The following ICE2 variants were observed in gnomAD, a reference collection of about 807,000 sequenced individuals.
The protein encoded by ICE2 is interactor of little elongation complex ELL subunit 2.
ICE2 carries 87 observed loss-of-function variants against 105.4 expected under a neutral mutation model. That is an observed-to-expected ratio of 0.83 (90% CI 0.69 to 0.99). The LOEUF is 0.99. ICE2 is among the 50% of genes least tolerant of loss of function. The probability of loss-of-function intolerance (pLI) is 0.00; values close to 1 mark genes in which losing one functional copy is unlikely to be tolerated. For missense variants in ICE2, 1,323 were observed against 1,146.7 expected, an observed-to-expected ratio of 1.15 and a Z score of -2.22; for synonymous variants, 399 against 392.0, an observed-to-expected ratio of 1.02 and a Z score of -0.21.
At chr15:60,471,345 A>G (rs991135753) in intron 3 of ICE2, among the ~76,000 whole-genome samples, 2 of 152,242 alleles carry the variant, frequency 1.3e-5, no homozygotes, top group African/African-American at 4.8e-5. Context: ...GGAGAAATGT[A>G]TTACAGCAAA....
intron 15 of ICE2, among the ~76,000 whole-genome samples, chr15:60,425,990 T>C (rs1478554361): frequency 1.3e-5 from 2 of 152,330 alleles, no homozygotes; most frequent in East Asian, 1.9e-4. Context: ...AGTTATCTAA[T>C]TGTCCACTGT....
At chr15:60,453,569 A>T in intron 9 of ICE2, 34 bp downstream of exon 9, 2 of 1,603,866 alleles carry the variant, frequency 1.2e-6, no homozygotes, top group South Asian at 2.3e-5. Context: ...AAACAAGTAC[A>T]TTCCCCTTAG....
chr15:60,453,472 A>G, intron 9 of ICE2, 131 bp downstream of exon 9: 1 of 1,437,778 alleles, frequency 7.0e-7, no homozygotes. Flanking sequence ...GCTAGACTCG[A>G]AATTCAATTT....
chr15:60,441,566 G>A (rs1327412854), intron 12 of ICE2: 1 of 152,108 alleles, frequency 6.6e-6, no homozygotes, highest in Non-Finnish European at 1.5e-5. Context: ...AGAGAATAAA[G>A]TACAAAGTAA....
chr15:60,437,343 T>C lies in ICE2; in HGVS notation c.2426-1116A>G, dbSNP rs2063617379. ...CAAAGCAGTCAGTTCCAAGTTTTAC[T>C]TTTTTTTTGAGACAAAGTTTCGCTC... On this transcript the variant is annotated intron_variant, in intron 12 of 15. Transcript: ENST00000261520. Among the ~76,000 whole-genome samples the C allele has an allele frequency of 2.0e-5, 3 of 150,818 alleles. No individual in the cohort carries two copies. In the South Asian group the frequency reaches 6.3e-4, roughly 32 times the overall value.
At chr15:60,453,881 G>C (rs760505870) in intron 8 of ICE2, 97 bp from the exon 9 acceptor site, 77 of 928,232 alleles carry the variant, frequency 8.3e-5, no homozygotes, top group Middle Eastern at 3.4e-4. Context: ...CAAACAAAGA[G>C]ACACAGGAGA....
At chr15:60,467,392 T>C (rs189180372) in intron 4 of ICE2, among the ~76,000 whole-genome samples, 19 of 152,354 alleles carry the variant, frequency 1.2e-4, no homozygotes, top group Admixed American at 3.3e-4. Flanking sequence ...TTAGTAATCA[T>C]AAATTAAATT....
chr15:60,430,829 C>T (rs1475281576), intron 14 of ICE2, among the ~76,000 whole-genome samples: 3 of 152,108 alleles, frequency 2.0e-5, no homozygotes, highest in African/African-American at 4.8e-5. Flanking sequence ...GGGGAAAATC[C>T]ATATCCTAAG....
chr15:60,474,429 A>G (rs1278505535), intron 3 of ICE2, among the ~76,000 whole-genome samples: 4 of 152,138 alleles, frequency 2.6e-5, no homozygotes, highest in South Asian at 2.1e-4. Context: ...AACAAGCTAA[A>G]TATCAACAGA....
chr15:60,430,754 T>C (rs575120146), intron 14 of ICE2, among the ~76,000 whole-genome samples: 6 of 152,312 alleles, frequency 3.9e-5, no homozygotes, highest in South Asian at 2.1e-4. Context: ...AGTTTAACAT[T>C]TGGTAAGGGC....
intron 8 of ICE2, among the ~76,000 whole-genome samples, chr15:60,454,154 CAT>C (rs2064037270): frequency 6.6e-6 from 1 of 152,090 alleles, no homozygotes; most frequent in East Asian, 1.9e-4. Context: ...TTTCAATAGA[CAT>C]AGTCTTTCAT....
At chr15:60,433,241 C>T (rs1230381679) in intron 13 of ICE2, among the ~76,000 whole-genome samples, 1 of 151,790 alleles carries the variant, frequency 6.6e-6, no homozygotes, top group Non-Finnish European at 1.5e-5. Flanking sequence ...GTGCCCGCCA[C>T]CACGCCCGGC....
intron 8 of ICE2, 31 bp from the exon 9 acceptor site, chr15:60,453,815 T>G (rs1489029555): frequency 2.0e-6 from 3 of 1,492,496 alleles, no homozygotes; most frequent in Non-Finnish European, 1.9e-6. Flanking sequence ...AAAGAGGTGA[T>G]TAGTATCTAA....
chr15:60,467,990 T>G, intron 4 of ICE2, 71 bp downstream of exon 4: 1 of 1,355,550 alleles, frequency 7.4e-7, no homozygotes, highest in South Asian at 1.7e-5. Context: ...AAAACATAAA[T>G]GTAAATTTAA....
At chr15:60,471,542 G>A (rs75820948) in intron 3 of ICE2, among the ~76,000 whole-genome samples, 2,532 of 152,222 alleles carry the variant, frequency 0.017, 56 homozygotes, top group East Asian at 0.1. Context: ...CGCCAGACTA[G>A]GAATGTCAAG....
chr15:60,467,715 G>T (rs569226793), intron 4 of ICE2, among the ~76,000 whole-genome samples: 1 of 152,098 alleles, frequency 6.6e-6, no homozygotes. Context: ...TATGAACAAA[G>T]ATTTTGCTAC....
At chr15:60,429,086 G>A (rs1367963299) in intron 14 of ICE2, among the ~76,000 whole-genome samples, 1 of 152,076 alleles carries the variant, frequency 6.6e-6, no homozygotes, top group Non-Finnish European at 1.5e-5. Context: ...ATAGATAGAT[G>A]ACTAGATACA....
chr15:60,428,819 C>T (rs924949519), intron 14 of ICE2, 132 bp from the exon 15 acceptor site: 4 of 902,888 alleles, frequency 4.4e-6, no homozygotes, highest in Admixed American at 2.8e-5. Flanking sequence ...ACTTTTATGA[C>T]AAAATAAGAT....
chr15:60,428,611 T>C lies in ICE2; in HGVS notation c.2638A>G (p.Lys880Glu), dbSNP rs747245429. The change falls in exon 15 of 16, where the codon AAA (lysine) becomes GAA (glutamate). Residue 880 changes from lysine to glutamate, a missense_variant. Transcript: ENST00000261520. ...SLLIYKASDG[K>E]VTRTAYNLYK... The stretch of plus-strand genomic sequence containing the variant: ...AAATTGTATGCTGTCCTAGTAACTT[T>C]TCCATCAGAGGCCTTATAAATCAGG... The C allele has an allele frequency of 1.2e-6, 2 of 1,614,142 alleles. No homozygotes were observed. The highest frequency in any genetic ancestry group is 1.7e-5 in the Admixed American group (1 of 60,024).
Sources: allele counts gnomAD v4.1 joint callset (sites outside exome capture counted in the v4.1 genomes callset), GRCh38; gene constraint gnomAD v4.1.1; transcripts MANE v1.5; gene names NCBI Gene and HGNC (gene_info 2026-07-23, HGNC 2026-07-21).